Variants in ZIC3 observed in about 807,000 individuals in gnomAD.
ZIC3 encodes zinc finger protein ZIC 3.
ZIC3 carries 6 observed loss-of-function variants against 18.3 expected under a neutral mutation model. The observed-to-expected ratio is 0.33, with a 90% CI of 0.18 to 0.65. ZIC3 has a LOEUF of 0.65. Ranked by LOEUF, ZIC3 falls within the 30% of genes least tolerant of loss-of-function variation. The pLI is 0.75. For missense variants in ZIC3, 260 were observed against 410.0 expected (o/e 0.63, Z 3.16); for synonymous variants, 175 against 177.0 (o/e 0.99, Z 0.09).
At chrX:137,575,191 G>C (rs988734330), downstream of ZIC3, among the ~76,000 whole-genome samples, 2 of 112,182 alleles carry the variant, frequency 1.8e-5, no homozygotes, top group Non-Finnish European at 3.8e-5. Flanking sequence ...CGAAGCCTAT[G>C]AACACGTAAG....
Position 137,566,655 on chromosome X carries a change from C to T in ZIC3, c.-37C>T. On this transcript the variant is annotated 5_prime_UTR_variant, in exon 1 of 3. Transcript: ENST00000287538. ...CCTCCTTCGCCGGTACCCTCTCTCACTTCGGCCGGATCGCCTGTGCCCAGA... is the reference window on the plus strand; with the variant it reads ...CCTCCTTCGCCGGTACCCTCTCTCATTTCGGCCGGATCGCCTGTGCCCAGA... The T allele has an allele frequency of 1.7e-6, 2 of 1,191,835 alleles. No individual in the cohort carries two copies. Among genetic ancestry groups the T allele is most frequent in the Non-Finnish European group, 1.1e-6 (1 of 887,788 alleles).
downstream of ZIC3, among the ~76,000 whole-genome samples, chrX:137,572,869 G>A (rs769693308): frequency 1.8e-4 from 20 of 111,250 alleles, no homozygotes; most frequent in Non-Finnish European, 3.2e-4. Flanking sequence ...TCCTAAGAGG[G>A]GAAGATATCA....
chrX:137,569,264 AG>A (rs1000903067), intron 2 of ZIC3, among the ~76,000 whole-genome samples, 199 bp downstream of exon 2: 2 of 102,280 alleles, frequency 2.0e-5, no homozygotes, highest in African/African-American at 7.3e-5. Flanking sequence ...CAAAGTTGGG[AG>A]GGGGAGGAAG....
In ZIC3 at chrX:137,571,245, T is replaced by C. The variant is rs974663201; in HGVS notation, c.*1175T>C. 8.9e-6 allele frequency: 1 copy of C among 112,492 alleles called. No homozygotes were observed. The highest frequency in any genetic ancestry group is 3.2e-5 in the African/African-American group (1 of 30,891). 9.3% of individuals were successfully genotyped at this position (112,492 alleles called of 1,213,427 possible). On this transcript the variant is annotated 3_prime_UTR_variant, in exon 3 of 3. Coordinates refer to ENST00000287538, the MANE Select transcript of ZIC3 (RefSeq NM_003413.4). ...GAATTTTATGTCCCTTAGTTCTTTA[T>C]TACCTTACATAAAAATGAAAATTGC...
chrX:137,573,486 G>C (rs897624097), downstream of ZIC3, among the ~76,000 whole-genome samples: 2 of 111,831 alleles, frequency 1.8e-5, no homozygotes, highest in Non-Finnish European at 3.8e-5. Context: ...GAAAGTTGGA[G>C]TGTTCAGGAC....
At position 137,570,658 on chromosome X, in the gene ZIC3, T is replaced by A. The variant is rs1931425645; in HGVS notation, c.*588T>A. Reference sequence around the variant, plus strand: ...TATACAGTTGCCTTTTGTAATAACTTTTTTTTTGTAAATACATATCCATTG... The same window carrying A: ...TATACAGTTGCCTTTTGTAATAACTATTTTTTTGTAAATACATATCCATTG... On this transcript the variant is annotated 3_prime_UTR_variant, in exon 3 of 3. Coordinates refer to ENST00000287538, the MANE Select transcript of ZIC3 (RefSeq NM_003413.4). The A allele has an allele frequency of 8.8e-6, 1 of 113,365 alleles. No individual in the cohort carries two copies. Among genetic ancestry groups the A allele is most frequent in the Non-Finnish European group, 1.8e-5 (1 of 54,069 alleles). 9.3% of individuals were successfully genotyped at this position (113,365 alleles called of 1,213,427 possible).
In ZIC3 at chrX:137,567,758, GA is replaced by G. The variant is rs2124184423; in HGVS notation, c.1060+13del. 8.3e-7 allele frequency: 1 copy of G among 1,211,807 alleles called. No homozygotes were observed. The highest frequency in any genetic ancestry group is 1.1e-6 in the Non-Finnish European group (1 of 895,629). ...CACAAGAGGACCCACACAGGTAAGGGAAAAAAGCAGGCGGGCGTGGGTTCCA... is the reference window on the plus strand; with the variant it reads ...CACAAGAGGACCCACACAGGTAAGGGAAAAAGCAGGCGGGCGTGGGTTCCA... On this transcript the variant is annotated splice_region_variant and intron_variant, in intron 1 of 2. Transcript: ENST00000287538.
chrX:137,573,894 G>A (rs907638996), downstream of ZIC3: 12 of 112,823 alleles, frequency 1.1e-4, no homozygotes, highest in African/African-American at 3.5e-4. Context: ...TCGGGCGGGG[G>A]GGGAAGGGAC....
chrX:137,569,849 G>A (rs1201186622), intron 2 of ZIC3, 42 bp from the exon 3 acceptor site: 1 of 1,175,676 alleles, frequency 8.5e-7, no homozygotes, highest in Admixed American at 2.2e-5. Context: ...CACATTGCCA[G>A]TTGGAATTAT....
chrX:137,573,721 C>T (rs757586556), downstream of ZIC3: 1 of 113,422 alleles, frequency 8.8e-6, no homozygotes, highest in South Asian at 3.6e-4. Flanking sequence ...TTCTGTCCCT[C>T]GAGTCCCAAG....
Position 137,570,382 on chromosome X carries a change from G to A in ZIC3, c.*312G>A. 3.4e-6 allele frequency: 1 copy of A among 291,354 alleles called. No homozygotes were observed. Among genetic ancestry groups the A allele is most frequent in the Middle Eastern group, 1.1e-3 (1 of 916 alleles). 24.0% of individuals were successfully genotyped at this position (291,354 alleles called of 1,213,427 possible). A position where few individuals can be genotyped will look rare whatever the true frequency, so the allele number is the denominator to read the frequency against. ...TCCAATTCATTTTAACACTTGTCCT[G>A]TTTCTTGAGAGGAAGTTATAGAAGG... On this transcript the variant is annotated 3_prime_UTR_variant, in exon 3 of 3. Transcript: ENST00000287538.
At position 137,567,757 on chromosome X, in the gene ZIC3, G is replaced by C. The variant is rs1931372393; in HGVS notation, c.1060+6G>C. The C allele has an allele frequency of 4.1e-6, 5 of 1,211,117 alleles. No homozygotes were observed. The highest frequency in any genetic ancestry group is 1.8e-5 in the South Asian group (1 of 56,954). On this transcript the variant is annotated splice_donor_region_variant and intron_variant, in intron 1 of 2. Transcript: ENST00000287538. Reference sequence around the variant, plus strand: ...CCACAAGAGGACCCACACAGGTAAGGGAAAAAAGCAGGCGGGCGTGGGTTC... The same window carrying C: ...CCACAAGAGGACCCACACAGGTAAGCGAAAAAAGCAGGCGGGCGTGGGTTC...
intron 1 of ZIC3, 39 bp from the exon 2 acceptor site, chrX:137,568,863 G>T: frequency 8.3e-7 from 1 of 1,207,676 alleles, no homozygotes; most frequent in South Asian, 1.8e-5. Flanking sequence ...CTCCGGCGCT[G>T]ACCGTATTTT....
Position 137,566,595 on chromosome X carries a change from G to T in ZIC3, c.-97G>T. ...GGTCTCCCCGCAGTGTCCAACCGCC[G>T]CCACCCCTTTCCGACTACGGCACTT... On this transcript the variant is annotated 5_prime_UTR_variant, in exon 1 of 3. Coordinates refer to ENST00000287538, the MANE Select transcript of ZIC3 (RefSeq NM_003413.4). 1 of 1,152,472 alleles carries T rather than the reference G, an allele frequency of 8.7e-7. No homozygotes were observed. The highest frequency in any genetic ancestry group is 1.9e-5 in the South Asian group (1 of 52,294). 95.0% of individuals were successfully genotyped at this position (1,152,472 alleles called of 1,213,427 possible).
Position 137,567,447 on chromosome X carries a change from G to A in ZIC3, c.756G>A (p.Ser252=). The A allele has an allele frequency of 8.3e-7, 1 of 1,211,785 alleles. No homozygotes were observed. Among genetic ancestry groups the A allele is most frequent in the South Asian group, 1.8e-5 (1 of 57,000 alleles). Residue 252 remains serine, a synonymous_variant, in exon 1 of 3, where the codon TCG becomes TCA. Transcript: ENST00000287538. ...GGCAGCCTATCAAGCAGGAGCTGTC[G>A]TGCAAGTGGATCGACGAGGCTCAGC... ...YMRQPIKQEL[S]CKWIDEAQLS... is the part of the protein sequence containing the mutation.
At position 137,571,408 on chromosome X, in the gene ZIC3, AAC is replaced by A. The variant is rs1292520008; in HGVS notation, c.*1340_*1341del. ...TTTTCAAAAGATAGCTTATGTCTAA[AAC>A]AGTGGTGATGAGTAAGGCCAGTTGA... On this transcript the variant is annotated 3_prime_UTR_variant, in exon 3 of 3. Transcript: ENST00000287538. The A allele has an allele frequency of 1.8e-5, 2 of 111,876 alleles. 1 individual carries two copies. The highest frequency in any genetic ancestry group is 6.5e-5 in the African/African-American group (2 of 30,722). The allele number at this position is 111,876 out of a possible 1,213,427, so 9.2% of individuals were successfully genotyped here.
Position 137,570,572 on chromosome X carries a change from T to C in ZIC3, c.*502T>C, listed in dbSNP as rs1419985711. 1 of 124,969 alleles carries C rather than the reference T, an allele frequency of 8.0e-6. No individual in the cohort carries two copies. The highest frequency in any genetic ancestry group is 1.7e-5 in the Non-Finnish European group (1 of 60,255). The allele number at this position is 124,969 out of a possible 1,213,427, so 10.3% of individuals were successfully genotyped here. A position where few individuals can be genotyped will look rare whatever the true frequency, so the allele number is the denominator to read the frequency against. On this transcript the variant is annotated 3_prime_UTR_variant, in exon 3 of 3. Coordinates refer to ENST00000287538, the MANE Select transcript of ZIC3 (RefSeq NM_003413.4). ...TATTTTTGTCTAATAGGGTCGAAAC[T>C]GTTGTTCAGTATTTTTTCAGGCTGA...
rs1378858604 is a variant in ZIC3, at chrX:137,567,691, G to T, written c.1000G>T (p.Gly334Cys). 1.6e-6 allele frequency: 2 copies of T among 1,212,454 alleles called. No homozygotes were observed. Among genetic ancestry groups the T allele is most frequent in the Non-Finnish European group, 1.1e-6 (1 of 895,686 alleles). ...GEKPFPCPFP[G>C]CGKIFARSEN... ...GAAGCCCTTCCCATGCCCCTTCCCG[G>T]GCTGCGGGAAGATCTTTGCCCGTTC... The change falls in exon 1 of 3, where the codon GGC (glycine) becomes TGC (cysteine). Residue 334 changes from glycine (G) to cysteine (C), a missense_variant. Coordinates refer to ENST00000287538, the MANE Select transcript of ZIC3 (RefSeq NM_003413.4).
chrX:137,572,423 C>G (rs1377921992), downstream of ZIC3, among the ~76,000 whole-genome samples: 2 of 111,982 alleles, frequency 1.8e-5, no homozygotes, highest in Non-Finnish European at 3.8e-5. Flanking sequence ...CCTGGTCAGT[C>G]TATCACTCCC....
Sources: gnomAD v4.1 joint callset for allele counts (sites outside exome capture counted in the v4.1 genomes callset) on GRCh38, gnomAD v4.1.1 for gene constraint, MANE v1.5 for transcripts, NCBI Gene and HGNC (gene_info 2026-07-23, HGNC 2026-07-21) for gene names.